Variants in ZDHHC11 observed in about 807,000 individuals in gnomAD.
ZDHHC11 encodes the protein palmitoyltransferase ZDHHC11.
In ZDHHC11, 44 loss-of-function variants were observed where a neutral mutation model predicts 51.3. That is an observed-to-expected ratio of 0.86 (90% CI 0.67 to 1.10). ZDHHC11 has a LOEUF of 1.10. Among genes scored for constraint, ZDHHC11 ranks in the 50% least tolerant of loss-of-function variants. The pLI is 0.00. For synonymous variants in ZDHHC11, 163 were observed against 222.0 expected (o/e 0.73, Z 2.36); for missense variants, 400 against 537.7 (o/e 0.74, Z 2.53).
At chr5:809,014 C>CACACACACACACACACAA (rs1554050773) in intron 11 of ZDHHC11, among the ~76,000 whole-genome samples, 1 of 139,122 alleles carries the variant, frequency 7.2e-6, no homozygotes. Flanking sequence ...CACACACACA[C>CACACACACACACACACAA]GCACACTATT....
At chr5:852,651 G>A (rs7722481), upstream of ZDHHC11, among the ~76,000 whole-genome samples, 14 of 150,470 alleles carry the variant, frequency 9.3e-5, no homozygotes, top group African/African-American at 3.4e-4. Context: ...GAGCAAGGGG[G>A]ACAGACCCCA....
At chr5:810,807 TCTC>T (rs1739997084) in intron 11 of ZDHHC11, among the ~76,000 whole-genome samples, 1 of 152,000 alleles carries the variant, frequency 6.6e-6, no homozygotes, top group Admixed American at 6.5e-5. Context: ...GTTAGCTCAT[TCTC>T]CTGTGGAGAA....
intron 9 of ZDHHC11, chr5:821,069 C>A (rs149641952): frequency 6.6e-6 from 1 of 151,494 alleles, no homozygotes; most frequent in African/African-American, 2.4e-5. Flanking sequence ...TCCCTGAATA[C>A]AACAATAAAT....
rs1260872246 is a variant in ZDHHC11, at chr5:819,541, C to A, written c.1130G>T (p.Gly377Val). Residue 377 changes from glycine to valine, a missense_variant, in exon 10 of 13, where the codon GGG becomes GTG. Physicochemically the swap from Gly to Val is moderately radical, Grantham distance 109. Transcript: ENST00000283441. Reference protein sequence around the residue: ...CQFSTRVHPDGGSMAQEADDA... With the variant: ...CQFSTRVHPDVGSMAQEADDA... ...GCAACTTACCTGTGCCATCGAGCCC[C>A]CGTCTGGGTGTACACGAGTGGAGAA... The A allele has an allele frequency of 6.2e-7, 1 of 1,609,842 alleles. No individual in the cohort carries two copies. The highest frequency in any genetic ancestry group is 2.2e-5 in the East Asian group (1 of 44,874).
chr5:805,554 T>C (rs1248852160), intron 11 of ZDHHC11, among the ~76,000 whole-genome samples: 1 of 144,992 alleles, frequency 6.9e-6, no homozygotes, highest in African/African-American at 2.7e-5. Flanking sequence ...AACAAAGGGA[T>C]CAAAATGGAA....
intron 4 of ZDHHC11, chr5:841,023 C>T (rs1189395908): frequency 8.6e-7 from 1 of 1,162,492 alleles, no homozygotes; most frequent in African/African-American, 2.9e-5. Context: ...CACCCCCCTT[C>T]CTCACTAAGT....
chr5:838,467 T>C (rs999170616), intron 5 of ZDHHC11, among the ~76,000 whole-genome samples: 1 of 152,006 alleles, frequency 6.6e-6, no homozygotes, highest in Non-Finnish European at 1.5e-5. Context: ...CAGATGGCGG[T>C]GGGCGCCCTG....
chr5:844,948 T>A (rs1347110390), intron 3 of ZDHHC11, among the ~76,000 whole-genome samples: 1 of 152,146 alleles, frequency 6.6e-6, no homozygotes, highest in African/African-American at 2.4e-5. Context: ...TGATGATATT[T>A]TTTTAAAAGT....
At chr5:821,932 G>T in intron 8 of ZDHHC11, 37 bp from the exon 9 acceptor site, 1 of 1,564,486 alleles carries the variant, frequency 6.4e-7, no homozygotes, top group South Asian at 1.2e-5. Context: ...AGAATGAATT[G>T]ACATTGAACT....
rs773905304 is a variant in ZDHHC11 at position 837,461 on chromosome 5, G to A, written c.804C>T (p.Thr268=). 2.5e-6 allele frequency: 4 copies of A among 1,609,688 alleles called. No individual in the cohort carries two copies. The highest frequency in any genetic ancestry group is 3.4e-6 in the Non-Finnish European group (4 of 1,176,452). The change falls in exon 6 of 13, where the codon ACC becomes ACT. Residue 268 remains threonine (T), a synonymous_variant. Coordinates refer to ENST00000283441, the MANE Select transcript of ZDHHC11 (RefSeq NM_024786.3). ...HIYLKAKKMT[T]FEYLINNRKE... is the part of the protein sequence containing the mutation. ...TGCGGTTATTAATGAGATACTCAAA[G>A]GTGGTCATCTTCTTGGCCTCTGGAA...
intron 10 of ZDHHC11, among the ~76,000 whole-genome samples, chr5:817,965 G>A (rs759331815): frequency 2.6e-5 from 4 of 151,432 alleles, no homozygotes; most frequent in East Asian, 3.9e-4. Flanking sequence ...TGCCACGGAC[G>A]CGGGTGTCAG....
At chr5:844,993 T>A (rs1238256286) in intron 3 of ZDHHC11, among the ~76,000 whole-genome samples, 1 of 152,308 alleles carries the variant, frequency 6.6e-6, no homozygotes, top group Non-Finnish European at 1.5e-5. Flanking sequence ...TCCATTGTAT[T>A]ATGTTCACCT....
chr5:819,483 A>G (rs1561249707), intron 10 of ZDHHC11, 42 bp downstream of exon 10: 10 of 1,586,128 alleles, frequency 6.3e-6, no homozygotes, highest in South Asian at 2.2e-5. Context: ...CATTCTGCAC[A>G]TGGCCCTGTC....
At chr5:847,756 G>T in intron 2 of ZDHHC11, 141 bp from the exon 3 acceptor site, 1 of 581,772 alleles carries the variant, frequency 1.7e-6, no homozygotes, top group Admixed American at 2.7e-5. Context: ...GCAGGGAATG[G>T]GAGGCTGGGG....
intron 10 of ZDHHC11, among the ~76,000 whole-genome samples, chr5:815,915 G>A (rs1051171346): frequency 1.3e-5 from 2 of 151,536 alleles, no homozygotes; most frequent in African/African-American, 2.4e-5. Flanking sequence ...GGCTTATCTT[G>A]TTGATCATTT....
chr5:843,986 GCA>G (rs1745643155), intron 3 of ZDHHC11, among the ~76,000 whole-genome samples: 3 of 123,136 alleles, frequency 2.4e-5, no homozygotes, highest in African/African-American at 1.2e-4. Context: ...GCAGGGACAC[GCA>G]GGGCATCTGG....
rs186489982 is a variant in ZDHHC11 at position 795,658 on chromosome 5, G to C, written c.*930C>G. Reference sequence around the variant, plus strand: ...GAAAACTGATTATCTTTTAAAAAATGACTACTAAACAGATTAAAATGCAGA... The same window carrying C: ...GAAAACTGATTATCTTTTAAAAAATCACTACTAAACAGATTAAAATGCAGA... On this transcript the variant is annotated 3_prime_UTR_variant, in exon 13 of 13. Transcript: ENST00000283441. 112 of 153,844 alleles carry C rather than the reference G, an allele frequency of 7.3e-4. 2 individuals are homozygous for C. Among genetic ancestry groups the C allele is most frequent in the African/African-American group, 2.5e-3 (102 of 41,400 alleles). 9.5% of individuals were successfully genotyped at this position (153,844 alleles called of 1,614,324 possible). A position where few individuals can be genotyped will look rare whatever the true frequency, so the allele number is the denominator to read the frequency against.
intron 10 of ZDHHC11, among the ~76,000 whole-genome samples, chr5:815,404 C>T (rs552032729): frequency 2.0e-5 from 3 of 151,122 alleles, no homozygotes; most frequent in African/African-American, 7.3e-5. Context: ...TGGTTAAGAA[C>T]CTGGGAGTGG....
intron 3 of ZDHHC11, among the ~76,000 whole-genome samples, chr5:844,266 C>T (rs1177410595): frequency 2.0e-5 from 3 of 152,286 alleles, no homozygotes; most frequent in South Asian, 2.1e-4. Context: ...ACCAGCACAC[C>T]GCCCGACAAT....
Sources: gnomAD v4.1 joint callset for allele counts (sites outside exome capture counted in the v4.1 genomes callset) on GRCh38, gnomAD v4.1.1 for gene constraint, MANE v1.5 for transcripts, NCBI Gene and HGNC (gene_info 2026-07-23, HGNC 2026-07-21) for gene names.